The following EXOC4 variants were observed in gnomAD, a reference collection of about 807,000 sequenced individuals.
EXOC4 encodes exocyst complex component 4.
A neutral mutation model predicts 107.2 loss-of-function variants in EXOC4; 71 were observed. The observed-to-expected ratio is 0.66, with a 90% CI of 0.55 to 0.81. The LOEUF (loss-of-function observed/expected upper bound fraction) is 0.81, where lower values mean the gene tolerates loss of function less well. Among genes scored for constraint, EXOC4 ranks in the 30% least tolerant of loss-of-function variants. The probability of loss-of-function intolerance (pLI) is 0.00; values close to 1 mark genes in which losing one functional copy is unlikely to be tolerated. For synonymous variants in EXOC4, 456 were observed against 441.2 expected (o/e 1.03, Z -0.42); for missense variants, 1,108 against 1,189.6 (o/e 0.93, Z 1.01).
intron 7 of EXOC4, among the ~76,000 whole-genome samples, chr7:133,384,651 T>C (rs1796686106): frequency 6.6e-6 from 1 of 152,026 alleles, no homozygotes; most frequent in Non-Finnish European, 1.5e-5. Flanking sequence ...CACTGACATA[T>C]TGCTCTTGCC....
At chr7:133,258,528 T>G (rs1171120931) in intron 1 of EXOC4, among the ~76,000 whole-genome samples, 1 of 152,206 alleles carries the variant, frequency 6.6e-6, no homozygotes, top group Non-Finnish European at 1.5e-5. Context: ...TGTGTTTTTT[T>G]GGAACATCAC....
chr7:133,272,653 GAC>G (rs1348866088), intron 1 of EXOC4, among the ~76,000 whole-genome samples: 1 of 151,452 alleles, frequency 6.6e-6, no homozygotes, highest in Non-Finnish European at 1.5e-5. Flanking sequence ...TTTCACTAAA[GAC>G]AAAATATTCA....
intron 10 of EXOC4, among the ~76,000 whole-genome samples, chr7:133,799,486 T>C (rs1796887838): frequency 1.3e-5 from 2 of 152,202 alleles, no homozygotes; most frequent in Non-Finnish European, 2.9e-5. Context: ...ATATTAAATA[T>C]GGGTATTCTA....
chr7:133,389,595 A>AAAAAAAAAAAATG (rs35982893), intron 7 of EXOC4, among the ~76,000 whole-genome samples: 1 of 95,352 alleles, frequency 1.0e-5, no homozygotes, highest in Non-Finnish European at 1.9e-5. Flanking sequence ...AAAAAAAAAA[A>AAAAAAAAAAAATG]GAGAGTCTTA....
chr7:133,951,459 C>T (rs895148119), intron 14 of EXOC4, among the ~76,000 whole-genome samples: 6 of 152,210 alleles, frequency 3.9e-5, no homozygotes, highest in South Asian at 2.1e-4. Flanking sequence ...TTTTTAAGCT[C>T]TTTTCCTCAT....
At chr7:133,879,630 G>A (rs141612412) in intron 11 of EXOC4, among the ~76,000 whole-genome samples, 122 of 152,002 alleles carry the variant, frequency 8.0e-4, no homozygotes, top group Non-Finnish European at 1.2e-3. Flanking sequence ...TTTTCATTAC[G>A]TGTAATTACC....
intron 14 of EXOC4, among the ~76,000 whole-genome samples, chr7:133,946,403 G>A (rs768987579): frequency 8.5e-5 from 13 of 152,054 alleles, no homozygotes; most frequent in South Asian, 2.1e-4. Flanking sequence ...AACATTACTT[G>A]TACTTCTGTT....
intron 13 of EXOC4, among the ~76,000 whole-genome samples, chr7:133,920,766 T>G (rs992964636): frequency 6.6e-6 from 1 of 152,236 alleles, no homozygotes; most frequent in African/African-American, 2.4e-5. Flanking sequence ...TTTCTCAATG[T>G]AGATCCACGT....
At chr7:134,024,932 G>T (rs1261425025) in intron 17 of EXOC4, among the ~76,000 whole-genome samples, 1 of 152,178 alleles carries the variant, frequency 6.6e-6, no homozygotes, top group African/African-American at 2.4e-5. Flanking sequence ...GGTGTTCTGT[G>T]TTTAGCAGCA....
At chr7:133,347,402 C>T (rs1245433803) in intron 5 of EXOC4, among the ~76,000 whole-genome samples, 1 of 152,040 alleles carries the variant, frequency 6.6e-6, no homozygotes, top group African/African-American at 2.4e-5. Context: ...TGCCACCACA[C>T]CCAGCTAATT....
At chr7:133,706,897 C>T (rs972439843) in intron 10 of EXOC4, among the ~76,000 whole-genome samples, 2 of 152,164 alleles carry the variant, frequency 1.3e-5, no homozygotes, top group African/African-American at 4.8e-5. Context: ...CTAAGCACCT[C>T]CCAAAGGCCC....
intron 14 of EXOC4, among the ~76,000 whole-genome samples, chr7:133,941,379 C>A (rs1800424813): frequency 6.6e-6 from 1 of 152,150 alleles, no homozygotes; most frequent in African/African-American, 2.4e-5. Flanking sequence ...TCAGGTATTA[C>A]ATTTAGAAGA....
intron 7 of EXOC4, among the ~76,000 whole-genome samples, chr7:133,400,306 G>A (rs1484478390): frequency 2.6e-5 from 4 of 152,206 alleles, no homozygotes; most frequent in Non-Finnish European, 5.9e-5. Flanking sequence ...GAACCTGAAT[G>A]ATGAGTACTT....
intron 9 of EXOC4, among the ~76,000 whole-genome samples, chr7:133,546,540 G>A (rs1447367515): frequency 4.6e-5 from 7 of 152,138 alleles, no homozygotes; most frequent in South Asian, 2.1e-4. Context: ...GCAGGAGTGA[G>A]CCACTTTACC....
intron 7 of EXOC4, among the ~76,000 whole-genome samples, chr7:133,450,268 A>G (rs996791125): frequency 3.9e-5 from 6 of 152,082 alleles, no homozygotes; most frequent in Non-Finnish European, 8.8e-5. Flanking sequence ...GGCTCAAGCA[A>G]TCCTCCTGCC....
At chr7:133,540,956 T>C (rs549886393) in intron 9 of EXOC4, among the ~76,000 whole-genome samples, 1 of 152,320 alleles carries the variant, frequency 6.6e-6, no homozygotes, top group Admixed American at 6.5e-5. Flanking sequence ...TTTGACGTTA[T>C]TAACAATTTT....
intron 10 of EXOC4, among the ~76,000 whole-genome samples, chr7:133,751,485 C>T (rs961482228): frequency 6.6e-6 from 1 of 152,172 alleles, no homozygotes; most frequent in African/African-American, 2.4e-5. Flanking sequence ...GGGGGTGTTA[C>T]ATCTTTTCAG....
chr7:134,031,030 T>C (rs1795259088), intron 17 of EXOC4, among the ~76,000 whole-genome samples: 4 of 152,168 alleles, frequency 2.6e-5, no homozygotes. Flanking sequence ...CCACACACTT[T>C]ACAATTTCAT....
intron 9 of EXOC4, among the ~76,000 whole-genome samples, chr7:133,489,760 C>A (rs1461516392): frequency 6.6e-6 from 1 of 152,180 alleles, no homozygotes. Context: ...ATGAACAGGA[C>A]TGCCTTTGAA....
Sources: gnomAD v4.1 joint callset for allele counts (sites outside exome capture counted in the v4.1 genomes callset) on GRCh38, gnomAD v4.1.1 for gene constraint, MANE v1.5 for transcripts, NCBI Gene and HGNC (gene_info 2026-07-23, HGNC 2026-07-21) for gene names.